The following CSMD1 variants were observed in gnomAD, a reference collection of about 807,000 sequenced individuals.
CSMD1 encodes the protein CUB and sushi domain-containing protein 1.
In CSMD1, 213 loss-of-function variants were observed where a neutral mutation model predicts 417.5. The ratio of observed to expected loss-of-function variants is 0.51; its 90% CI spans 0.46 to 0.57. The LOEUF (loss-of-function observed/expected upper bound fraction) is 0.57. Among genes scored for constraint, CSMD1 ranks in the 20% least tolerant of loss-of-function variants. The pLI is 0.00. For synonymous variants in CSMD1, 2,862 were observed against 1,736.8 expected (o/e 1.65, Z -16.11); for missense variants, 6,923 against 4,529.7 (o/e 1.53, Z -15.17).
intron 3 of CSMD1, among the ~76,000 whole-genome samples, chr8:4,204,679 C>T (rs185167729): frequency 1.3e-5 from 2 of 152,080 alleles, no homozygotes. Flanking sequence ...TTTTGAGACA[C>T]AGTTTCACTC....
At chr8:4,620,962 A>C (rs886126274) in intron 2 of CSMD1, among the ~76,000 whole-genome samples, 1 of 152,046 alleles carries the variant, frequency 6.6e-6, no homozygotes, top group Admixed American at 6.6e-5. Flanking sequence ...AAATCAAGAA[A>C]ATTGGCAAAC....
chr8:4,370,685 C>G (rs532997861), intron 3 of CSMD1, among the ~76,000 whole-genome samples: 8 of 152,236 alleles, frequency 5.3e-5, no homozygotes, highest in South Asian at 2.1e-4. Context: ...GAGTGGTGTT[C>G]AAGACCTGAG....
At chr8:4,576,535 G>A (rs773816853) in intron 2 of CSMD1, among the ~76,000 whole-genome samples, 2 of 152,160 alleles carry the variant, frequency 1.3e-5, no homozygotes, top group African/African-American at 2.4e-5. Context: ...AGATAGCAAG[G>A]ACTGTCTCTC....
intron 1 of CSMD1, among the ~76,000 whole-genome samples, chr8:4,895,261 A>C (rs1804403806): frequency 6.6e-6 from 1 of 152,090 alleles, no homozygotes; most frequent in Non-Finnish European, 1.5e-5. Flanking sequence ...ACAATTTCTG[A>C]CTCAGGTGTG....
At chr8:3,073,186 A>T (rs903393353) in intron 49 of CSMD1, among the ~76,000 whole-genome samples, 1 of 152,194 alleles carries the variant, frequency 6.6e-6, no homozygotes, top group Non-Finnish European at 1.5e-5. Context: ...TTGATATGAA[A>T]ACATATTATT....
intron 3 of CSMD1, among the ~76,000 whole-genome samples, chr8:4,155,512 C>G (rs1021034197): frequency 6.6e-6 from 1 of 152,124 alleles, no homozygotes; most frequent in African/African-American, 2.4e-5. Context: ...TTCTTAAACG[C>G]CAAACTTAAA....
At position 4,180,758 on chromosome 8, in the gene CSMD1, T is replaced by C. The variant is rs919699029; in HGVS notation, c.416-148659A>G. The stretch of plus-strand genomic sequence containing the variant: ...TGGCACTAACTGTTAGAATTCCTTC[T>C]TATCTAACATTGTGTTAATCTAATA... On this transcript the variant is annotated intron_variant, in intron 3 of 69. Coordinates refer to ENST00000635120, the MANE Select transcript of CSMD1 (RefSeq NM_033225.6). Among the ~76,000 whole-genome samples, 3 of 152,168 alleles carry C rather than the reference T, an allele frequency of 2.0e-5. No homozygotes were observed. In the East Asian group the frequency reaches 5.8e-4, roughly 29 times the overall value.
intron 3 of CSMD1, among the ~76,000 whole-genome samples, chr8:4,257,566 T>G (rs937071911): frequency 2.0e-5 from 3 of 152,200 alleles, no homozygotes; most frequent in African/African-American, 7.2e-5. Context: ...AAATAAGAAA[T>G]AGAGATTTAT....
At chr8:3,301,268 C>A (rs528433214) in intron 25 of CSMD1, among the ~76,000 whole-genome samples, 1 of 151,938 alleles carries the variant, frequency 6.6e-6, no homozygotes, top group South Asian at 2.1e-4. Flanking sequence ...TCAGTGGAAA[C>A]CTGGTGAGTT....
At chr8:4,832,034 C>T (rs1432566935) in intron 1 of CSMD1, among the ~76,000 whole-genome samples, 2 of 152,300 alleles carry the variant, frequency 1.3e-5, no homozygotes, top group African/African-American at 4.8e-5. Context: ...CAAGCAATGC[C>T]ACATGTTACC....
intron 1 of CSMD1, among the ~76,000 whole-genome samples, chr8:4,969,781 A>G (rs559404245): frequency 6.6e-6 from 1 of 152,024 alleles, no homozygotes; most frequent in Non-Finnish European, 1.5e-5. Context: ...TGAGGCTGCT[A>G]TGTGGAACTT....
chr8:4,473,472 C>G (rs760634757), intron 2 of CSMD1, among the ~76,000 whole-genome samples: 3 of 152,086 alleles, frequency 2.0e-5, no homozygotes, highest in Non-Finnish European at 2.9e-5. Context: ...CAAAGTAATA[C>G]CCAGTGTCTG....
At chr8:3,685,173 G>T (rs185344636) in intron 7 of CSMD1, among the ~76,000 whole-genome samples, 2 of 152,104 alleles carry the variant, frequency 1.3e-5, no homozygotes, top group Admixed American at 6.6e-5. Context: ...TAAATTGATG[G>T]ATAAAATCAA....
chr8:4,737,546 C>T (rs1373550531), intron 1 of CSMD1, among the ~76,000 whole-genome samples: 1 of 152,078 alleles, frequency 6.6e-6, no homozygotes, highest in Non-Finnish European at 1.5e-5. Context: ...TTGATGATTT[C>T]CCTTATAGAC....
intron 23 of CSMD1, among the ~76,000 whole-genome samples, chr8:3,316,357 T>C (rs548223006): frequency 6.6e-5 from 10 of 152,298 alleles, no homozygotes; most frequent in African/African-American, 2.2e-4. Context: ...AGGAACTTTT[T>C]TGGGGCATGG....
At chr8:4,960,914 G>T (rs781062787) in intron 1 of CSMD1, among the ~76,000 whole-genome samples, 12 of 152,066 alleles carry the variant, frequency 7.9e-5, no homozygotes, top group Non-Finnish European at 1.6e-4. Context: ...TATTTACAAT[G>T]CATGTGGCTG....
chr8:3,536,283 T>C (rs931732440), intron 10 of CSMD1, among the ~76,000 whole-genome samples: 1 of 152,224 alleles, frequency 6.6e-6, no homozygotes, highest in Non-Finnish European at 1.5e-5. Flanking sequence ...GACAGCAACT[T>C]GTACTTAAAC....
chr8:4,609,532 T>G (rs1265501375), intron 2 of CSMD1, among the ~76,000 whole-genome samples: 1 of 152,216 alleles, frequency 6.6e-6, no homozygotes, highest in Non-Finnish European at 1.5e-5. Context: ...CACTATGCTT[T>G]CTTTATTGTA....
intron 2 of CSMD1, among the ~76,000 whole-genome samples, chr8:4,454,910 C>G (rs945596383): frequency 6.6e-6 from 1 of 152,134 alleles, no homozygotes; most frequent in Non-Finnish European, 1.5e-5. Context: ...AAACTGAAGT[C>G]TTACAAACAC....
Sources: allele counts gnomAD v4.1 joint callset (sites outside exome capture counted in the v4.1 genomes callset), GRCh38; gene constraint gnomAD v4.1.1; transcripts MANE v1.5; gene names NCBI Gene and HGNC (gene_info 2026-07-23, HGNC 2026-07-21).